SHANK2: variants seen among roughly 807,000 people sequenced by gnomAD.
SHANK2 encodes SH3 and multiple ankyrin repeat domains protein 2.
Under a neutral mutation model 133.7 loss-of-function variants are expected in SHANK2, and 43 were observed. The observed-to-expected ratio is 0.32, with a 90% CI of 0.25 to 0.41. SHANK2 has a LOEUF of 0.41. SHANK2 is among the 10% of genes least tolerant of loss of function. SHANK2 has a pLI of 1.00. For missense variants in SHANK2, 1,994 were observed against 2,235.8 expected (o/e 0.89, Z 2.18); for synonymous variants, 1,017 against 952.8 (o/e 1.07, Z -1.24).
At chr11:70,708,900 C>A (rs1486883677) in intron 14 of SHANK2, among the ~76,000 whole-genome samples, 1 of 152,142 alleles carries the variant, frequency 6.6e-6, no homozygotes, top group Non-Finnish European at 1.5e-5. Flanking sequence ...CTGCTGACCT[C>A]CAGGGCAGGT....
At chr11:70,556,566 C>A (rs1208577919) in intron 17 of SHANK2, among the ~76,000 whole-genome samples, 2 of 150,184 alleles carry the variant, frequency 1.3e-5, no homozygotes, top group Non-Finnish European at 3.0e-5. Context: ...CAGGGACCCA[C>A]CGCCATGCCC....
intron 17 of SHANK2, among the ~76,000 whole-genome samples, chr11:70,613,988 C>A (rs2060702692): frequency 6.6e-6 from 1 of 152,134 alleles, no homozygotes; most frequent in South Asian, 2.1e-4. Flanking sequence ...TAGTCTCCAA[C>A]TCCTGACCTC....
chr11:70,510,084 T>C lies in SHANK2; in HGVS notation c.2062-7153A>G, dbSNP rs550027403. ...TGAGATGGGGAGGGAGGAGGTGTCT[T>C]GGCCAGCAGGTGACCCAGGAGTGAC... On this transcript the variant is annotated intron_variant, in intron 17 of 25. Coordinates refer to ENST00000601538, the MANE Select transcript of SHANK2 (RefSeq NM_012309.5). Among the ~76,000 whole-genome samples, 9 of 152,236 alleles carry C rather than the reference T, an allele frequency of 5.9e-5. No individual in the cohort carries two copies. The East Asian group carries it at 1.7e-3, about 30-fold the overall frequency.
chr11:70,523,196 G>A (rs1336827640), intron 17 of SHANK2, among the ~76,000 whole-genome samples: 14 of 152,290 alleles, frequency 9.2e-5, no homozygotes, highest in Admixed American at 5.2e-4. Flanking sequence ...TGTGCACACC[G>A]GGAGGCCTCT....
At chr11:71,245,318 C>A (rs371112687) in intron 1 of SHANK2, among the ~76,000 whole-genome samples, 7 of 152,150 alleles carry the variant, frequency 4.6e-5, no homozygotes, top group Admixed American at 4.6e-4. Flanking sequence ...TAGTTGTTAT[C>A]CATAAAAACA....
chr11:70,860,459 G>A (rs558660942), intron 11 of SHANK2, among the ~76,000 whole-genome samples: 15 of 152,342 alleles, frequency 9.8e-5, no homozygotes, highest in South Asian at 6.2e-4. Flanking sequence ...GAAGGAATAA[G>A]GGAATAAGAA....
intron 8 of SHANK2, among the ~76,000 whole-genome samples, chr11:71,076,527 C>T (rs1278362803): frequency 4.0e-5 from 6 of 150,870 alleles, no homozygotes; most frequent in East Asian, 1.9e-4. Context: ...AAACAAAAAA[C>T]GAAAAACAAA....
At chr11:70,733,010 G>A (rs928042206) in intron 14 of SHANK2, among the ~76,000 whole-genome samples, 1 of 152,236 alleles carries the variant, frequency 6.6e-6, no homozygotes, top group African/African-American at 2.4e-5. Flanking sequence ...TGCTGCCGAT[G>A]GAGTGATGAC....
intron 14 of SHANK2, among the ~76,000 whole-genome samples, chr11:70,735,181 T>A (rs1468361551): frequency 6.6e-6 from 1 of 152,166 alleles, no homozygotes; most frequent in Non-Finnish European, 1.5e-5. Context: ...CAAGGGACTA[T>A]CTTCCCCAAG....
At chr11:71,140,767 G>C (rs1555105634) in intron 3 of SHANK2, among the ~76,000 whole-genome samples, 1 of 152,062 alleles carries the variant, frequency 6.6e-6, no homozygotes, top group African/African-American at 2.4e-5. Context: ...TCGCCCAAAA[G>C]TGTAGAGTGA....
At chr11:70,699,659 C>A (rs1182629161) in intron 14 of SHANK2, among the ~76,000 whole-genome samples, 1 of 152,240 alleles carries the variant, frequency 6.6e-6, no homozygotes, top group Non-Finnish European at 1.5e-5. Flanking sequence ...CCAAAATGCA[C>A]ATTTGCAGTT....
intron 17 of SHANK2, among the ~76,000 whole-genome samples, chr11:70,559,502 A>C (rs1470116532): frequency 1.3e-5 from 2 of 152,080 alleles, no homozygotes; most frequent in Non-Finnish European, 2.9e-5. Flanking sequence ...ATTCCCTAGC[A>C]GGACCCCCAG....
chr11:70,863,609 T>C, intron 11 of SHANK2: 2 of 447,106 alleles, frequency 4.5e-6, no homozygotes, highest in Non-Finnish European at 9.1e-6. Flanking sequence ...AACGGAGCTT[T>C]GCTAGGCCTG....
At chr11:70,483,026 C>G (rs2058756551) in intron 25 of SHANK2, among the ~76,000 whole-genome samples, 1 of 152,184 alleles carries the variant, frequency 6.6e-6, no homozygotes, top group Admixed American at 6.5e-5. Context: ...GTGGAGTGCT[C>G]AGGGGAGCAC....
chr11:71,165,581 C>T (rs72959521), intron 2 of SHANK2, among the ~76,000 whole-genome samples: 37,791 of 151,942 alleles, frequency 0.25, 5,146 homozygotes, highest in African/African-American at 0.34. Context: ...CTTCTCTCTG[C>T]GAAGCCTGGT....
intron 15 of SHANK2, among the ~76,000 whole-genome samples, chr11:70,685,351 C>A (rs1232367465): frequency 6.6e-6 from 1 of 152,162 alleles, no homozygotes; most frequent in Non-Finnish European, 1.5e-5. Context: ...CTCCACGGGG[C>A]CAACTCCAGG....
At chr11:71,147,059 G>A (rs1952665226) in intron 3 of SHANK2, 61 bp downstream of exon 3, 1 of 1,410,788 alleles carries the variant, frequency 7.1e-7, no homozygotes, top group Admixed American at 2.1e-5. Flanking sequence ...CAGGCCTCTG[G>A]CGTTCAAGCC....
chr11:71,176,768 TA>T (rs1231198153), intron 2 of SHANK2, among the ~76,000 whole-genome samples: 27 of 151,178 alleles, frequency 1.8e-4, no homozygotes, highest in Admixed American at 1.8e-3. Context: ...TTGGAGTTTC[TA>T]AAAAAAAAGA....
intron 11 of SHANK2, chr11:70,826,570 G>T: frequency 2.1e-6 from 1 of 470,696 alleles, no homozygotes; most frequent in Non-Finnish European, 4.4e-6. Flanking sequence ...AAGGACAGGC[G>T]TGCAGCCCGG....
Sources: allele counts gnomAD v4.1 joint callset (sites outside exome capture counted in the v4.1 genomes callset), GRCh38; gene constraint gnomAD v4.1.1; transcripts MANE v1.5; gene names NCBI Gene and HGNC (gene_info 2026-07-23, HGNC 2026-07-21).